Variants in RERE observed in about 807,000 individuals in gnomAD.
RERE encodes arginine-glutamic acid dipeptide repeats, also known as arginine-glutamic acid dipeptide repeats protein.
RERE carries 40 observed loss-of-function variants against 146.1 expected under a neutral mutation model. The observed-to-expected ratio is 0.27, with a 90% CI of 0.21 to 0.36. RERE has a LOEUF of 0.36. RERE is among the 10% of genes least tolerant of loss of function. RERE has a pLI of 1.00. For synonymous variants in RERE, 1,003 were observed against 866.0 expected, an observed-to-expected ratio of 1.16 and a Z score of -2.78; for missense variants, 1,933 against 2,138.7, an observed-to-expected ratio of 0.90 and a Z score of 1.90.
At chr1:8,587,720 C>A (rs1441580518) in intron 4 of RERE, among the ~76,000 whole-genome samples, 1 of 152,188 alleles carries the variant, frequency 6.6e-6, no homozygotes, top group Admixed American at 6.5e-5. Flanking sequence ...CCAGTTCTAT[C>A]CCCCACCACT....
chr1:8,556,646 C>T (rs1190530013), intron 5 of RERE, 75 bp from the exon 6 acceptor site: 2 of 933,522 alleles, frequency 2.1e-6, no homozygotes, highest in African/African-American at 3.3e-5. Context: ...TAAAACTTTT[C>T]TTTCACGTTT....
intron 2 of RERE, among the ~76,000 whole-genome samples, chr1:8,642,854 C>G (rs1647198018): frequency 6.6e-6 from 1 of 152,178 alleles, no homozygotes; most frequent in South Asian, 2.1e-4. Context: ...GTCTCCTACT[C>G]AACTGCTAAA....
At chr1:8,703,114 G>C (rs905390118) in intron 1 of RERE, 1 of 152,166 alleles carries the variant, frequency 6.6e-6, no homozygotes, top group Non-Finnish European at 1.5e-5. Context: ...CTCCGGCGCA[G>C]GGCCCCGCCA....
rs773957558 is a variant in RERE, at chr1:8,358,311, C to T, written c.4224G>A (p.Ser1408=). ...AERIHAERMA[S]LTSDPLARLQ... Reference sequence around the variant, plus strand: ...GTCGGGCCAGGGGATCGCTGGTCAGCGATGCCATGCGCTCTGCGTGGATAC... The same window carrying T: ...GTCGGGCCAGGGGATCGCTGGTCAGTGATGCCATGCGCTCTGCGTGGATAC... Residue 1408 remains serine (S), a synonymous_variant, in exon 20 of 23, where the codon TCG becomes TCA. Transcript: ENST00000400908. The T allele has an allele frequency of 2.3e-5, 37 of 1,613,398 alleles. No homozygotes were observed. Among genetic ancestry groups the T allele is most frequent in the Middle Eastern group, 1.6e-4 (1 of 6,082 alleles).
chr1:8,380,836 G>A (rs1227823794), intron 12 of RERE: 1 of 456,638 alleles, frequency 2.2e-6, no homozygotes, highest in East Asian at 6.9e-5. Context: ...AGGGCAGAGA[G>A]GGGCGTTCCA....
chr1:8,765,219 CATT>C (rs1279747371), intron 1 of RERE, among the ~76,000 whole-genome samples: 4 of 152,174 alleles, frequency 2.6e-5, no homozygotes, highest in Admixed American at 2.6e-4. Context: ...ACCTTGAAAA[CATT>C]ATACTAAGTC....
intron 11 of RERE, chr1:8,424,644 G>A (rs773734326): frequency 6.6e-6 from 1 of 152,168 alleles, no homozygotes; most frequent in African/African-American, 2.4e-5. Context: ...CGGGAGAGAC[G>A]GCACGGAAAG....
intron 1 of RERE, among the ~76,000 whole-genome samples, chr1:8,659,621 G>A (rs1638409711): frequency 6.6e-6 from 1 of 152,202 alleles, no homozygotes; most frequent in African/African-American, 2.4e-5. Context: ...CTTTGACCCT[G>A]AAAACTCATC....
intron 4 of RERE, among the ~76,000 whole-genome samples, chr1:8,580,918 C>A (rs1646356797): frequency 6.6e-6 from 1 of 152,058 alleles, no homozygotes; most frequent in African/African-American, 2.4e-5. Context: ...AGACTGATCT[C>A]GAATTCCTGG....
intron 12 of RERE, chr1:8,381,061 C>A (rs1304893744): frequency 2.2e-6 from 1 of 455,640 alleles, no homozygotes; most frequent in African/African-American, 2.0e-5. Flanking sequence ...TGCTGGCCCA[C>A]CCCTCCAGCT....
intron 12 of RERE, among the ~76,000 whole-genome samples, chr1:8,415,548 C>T (rs1643736403): frequency 6.6e-6 from 1 of 152,182 alleles, no homozygotes; most frequent in South Asian, 2.1e-4. Context: ...TAGGATAACG[C>T]CAAGGTCAGG....
chr1:8,617,105 G>A (rs961936249), intron 3 of RERE, among the ~76,000 whole-genome samples: 8 of 152,042 alleles, frequency 5.3e-5, no homozygotes, highest in Non-Finnish European at 7.4e-5. Flanking sequence ...AACACTTTGG[G>A]AGGCCGAGGC....
intron 3 of RERE, among the ~76,000 whole-genome samples, chr1:8,622,485 T>TAAAAAAA (rs1646926827): frequency 1.4e-5 from 1 of 69,404 alleles, no homozygotes; most frequent in Admixed American, 1.8e-4. Flanking sequence ...CTGTATCTGT[T>TAAAAAAA]TAAAAAAAAA....
intron 12 of RERE, among the ~76,000 whole-genome samples, chr1:8,414,527 G>A (rs560843568): frequency 6.6e-6 from 1 of 152,268 alleles, no homozygotes; most frequent in South Asian, 2.1e-4. Context: ...CTGCACTCCA[G>A]CCTGGGCAAC....
rs3082091 is a variant in RERE at position 8,601,736 on chromosome 1, A to AACACACACAC, written c.522+12815_522+12824dup. 2.3e-3 allele frequency among the ~76,000 whole-genome samples: 328 copies of AACACACACAC among 140,888 alleles called. 1 individual carries two copies. The highest frequency in any genetic ancestry group is 0.011 in the Middle Eastern group (3 of 268). The allele number at this position is 140,888 out of a possible 152,430, so 92.4% of individuals were successfully genotyped here. A position where few individuals can be genotyped will look rare whatever the true frequency, so the allele number is the denominator to read the frequency against. On this transcript the variant is annotated intron_variant, in intron 4 of 22. Transcript: ENST00000400908. ...CCCAACTGCCATCATGTCCAAGGTC[A>AACACACACAC]ACACACACACACACACACACACACA...
At chr1:8,808,894 T>C (rs1201020117) in intron 1 of RERE, among the ~76,000 whole-genome samples, 2 of 152,036 alleles carry the variant, frequency 1.3e-5, no homozygotes, top group South Asian at 2.1e-4. Flanking sequence ...TCCCAGCACT[T>C]TGGGAGGCCA....
rs918758372 is a variant in RERE, at chr1:8,352,906, CTT to C, written c.*2179_*2180del. 1 of 152,608 alleles carries C rather than the reference CTT, an allele frequency of 6.6e-6. No individual in the cohort carries two copies. The highest frequency in any genetic ancestry group is 1.5e-5 in the Non-Finnish European group (1 of 68,048). 9.5% of individuals were successfully genotyped at this position (152,608 alleles called of 1,614,324 possible). A position where few individuals can be genotyped will look rare whatever the true frequency, so the allele number is the denominator to read the frequency against. ...AGCACAGACCTCAGAGGACTCGACT[CTT>C]CTTTGGAAAAATGGATGCCAAAGGA... is the stretch of plus-strand genomic sequence containing the variant. On this transcript the variant is annotated 3_prime_UTR_variant, in exon 23 of 23. Transcript: ENST00000400908.
chr1:8,484,717 C>T (rs1321280158), intron 10 of RERE, among the ~76,000 whole-genome samples: 3 of 152,088 alleles, frequency 2.0e-5, no homozygotes, highest in Non-Finnish European at 2.9e-5. Context: ...GCCACTGTGC[C>T]CAGCCAAATA....
intron 1 of RERE, among the ~76,000 whole-genome samples, chr1:8,665,386 C>T (rs1305683020): frequency 6.6e-6 from 1 of 152,228 alleles, no homozygotes; most frequent in Non-Finnish European, 1.5e-5. Context: ...TTCCTTAACT[C>T]ACTGCCTGGC....
Sources: allele counts gnomAD v4.1 joint callset (sites outside exome capture counted in the v4.1 genomes callset), GRCh38; gene constraint gnomAD v4.1.1; transcripts MANE v1.5; gene names NCBI Gene and HGNC (gene_info 2026-07-23, HGNC 2026-07-21).